HIBCH: variants seen among roughly 807,000 people sequenced by gnomAD.
HIBCH encodes the protein 3-hydroxyisobutyryl-CoA hydrolase, mitochondrial.
HIBCH carries 50 observed loss-of-function variants against 58.2 expected under a neutral mutation model. The ratio of observed to expected loss-of-function variants is 0.86; its 90% CI spans 0.68 to 1.09. HIBCH has a LOEUF of 1.09. Ranked by LOEUF, HIBCH falls within the 50% of genes least tolerant of loss-of-function variation. The pLI is 0.00. For synonymous variants in HIBCH, 151 were observed against 146.9 expected, an observed-to-expected ratio of 1.03 and a Z score of -0.20; for missense variants, 450 against 449.7, an observed-to-expected ratio of 1.00 and a Z score of -0.01.
chr2:190,278,212 T>TA (rs921680526), intron 6 of HIBCH, among the ~76,000 whole-genome samples: 6 of 144,114 alleles, frequency 4.2e-5, no homozygotes, highest in African/African-American at 1.3e-4. Context: ...AAGAATCTGC[T>TA]TTTTTTTTTT....
rs115091386 is a variant in HIBCH, at chr2:190,220,639, G to A, written c.892-7564C>T. Among the ~76,000 whole-genome samples the A allele has an allele frequency of 6.6e-3, 1,009 of 151,752 alleles. 12 individuals are homozygous for A. The highest frequency in any genetic ancestry group is 0.022 in the African/African-American group (916 of 41,340). On this transcript the variant is annotated intron_variant, in intron 11 of 13. Coordinates refer to ENST00000359678, the MANE Select transcript of HIBCH (RefSeq NM_014362.4). ...TACTCCACTGGCCTTTCTGGTTACA[G>A]GGCATCCAAGGCAGTCTGCATACTG...
chr2:190,211,818 A>G lies in HIBCH; in HGVS notation c.1011+1138T>C, dbSNP rs1321737302. ...GGACTGTGTCTTCTTATTCAACAATATAAGGCTAACACTGAGCACAGTGCC... is the reference window on the plus strand; with the variant it reads ...GGACTGTGTCTTCTTATTCAACAATGTAAGGCTAACACTGAGCACAGTGCC... On this transcript the variant is annotated intron_variant, in intron 12 of 13. Coordinates refer to ENST00000359678, the MANE Select transcript of HIBCH (RefSeq NM_014362.4). The surrounding 1 kb of genome is among the most constrained non-coding windows in gnomAD (Gnocchi z 5.0). 6.6e-6 allele frequency among the ~76,000 whole-genome samples: 1 copy of G among 152,222 alleles called. No homozygotes were observed. Among genetic ancestry groups the G allele is most frequent in the Admixed American group, 6.5e-5 (1 of 15,280 alleles).
intron 2 of HIBCH, among the ~76,000 whole-genome samples, chr2:190,298,105 A>G (rs1050601220): frequency 6.6e-6 from 1 of 152,188 alleles, no homozygotes; most frequent in Admixed American, 6.5e-5. Context: ...TCATGGCTGC[A>G]TAGTATTCCA....
In HIBCH at chr2:190,257,479, AAT is replaced by A. The variant is rs570951290; in HGVS notation, c.517+3675_517+3676del. 1.8e-4 allele frequency among the ~76,000 whole-genome samples: 28 copies of A among 152,252 alleles called. No individual in the cohort carries two copies. In the South Asian group the frequency reaches 5.4e-3, roughly 29 times the overall value. On this transcript the variant is annotated intron_variant, in intron 7 of 13. Coordinates refer to ENST00000359678, the MANE Select transcript of HIBCH (RefSeq NM_014362.4). ...AAATCTGTTTAAGATCAATAAAATT[AAT>A]AAACCTCTAACTAGATTGATCAGGA...
intron 11 of HIBCH, among the ~76,000 whole-genome samples, chr2:190,220,700 A>G (rs1685692690): frequency 6.6e-6 from 1 of 151,638 alleles, no homozygotes; most frequent in Non-Finnish European, 1.5e-5. Flanking sequence ...AGGCAAGCAG[A>G]AGACACTGAG....
intron 6 of HIBCH, among the ~76,000 whole-genome samples, chr2:190,265,390 G>C (rs1204224878): frequency 6.6e-6 from 1 of 150,878 alleles, no homozygotes; most frequent in Non-Finnish European, 1.5e-5. Flanking sequence ...AGCTATCTGG[G>C]TATCCTCTTT....
chr2:190,316,797 T>C (rs1688717789), intron 1 of HIBCH, among the ~76,000 whole-genome samples: 1 of 152,058 alleles, frequency 6.6e-6, no homozygotes, highest in Non-Finnish European at 1.5e-5. Context: ...AAGAAACAAC[T>C]AACTAGAAGT....
chr2:190,296,773 TG>T, intron 3 of HIBCH, 39 bp downstream of exon 3: 1 of 1,552,716 alleles, frequency 6.4e-7, no homozygotes, highest in Non-Finnish European at 8.9e-7. Context: ...TGATATACTT[TG>T]AAAAGAATCC....
chr2:190,319,819 C>A lies in HIBCH; in HGVS notation c.-69G>T. On this transcript the variant is annotated 5_prime_UTR_variant, in exon 1 of 14. Transcript: ENST00000359678. ...GGACCGTTCCAGCGCCTCGCGTGAG[C>A]CCCGCCCACCGCCGTCCTGCGCCGC... is the stretch of plus-strand genomic sequence containing the variant. 5 of 1,566,290 alleles carry A rather than the reference C, an allele frequency of 3.2e-6. No homozygotes were observed. In the South Asian group the frequency reaches 4.7e-5, roughly 15 times the overall value.
chr2:190,277,417 G>A (rs1006386873), intron 6 of HIBCH, among the ~76,000 whole-genome samples: 1 of 152,102 alleles, frequency 6.6e-6, no homozygotes, highest in Non-Finnish European at 1.5e-5. Context: ...GCTCTGTGGC[G>A]CCATCTTTTG....
At chr2:190,233,965 C>A (rs1686187182) in intron 11 of HIBCH, among the ~76,000 whole-genome samples, 1 of 152,180 alleles carries the variant, frequency 6.6e-6, no homozygotes, top group Non-Finnish European at 1.5e-5. Flanking sequence ...AGAGACCAGC[C>A]TGGCCAAGAT....
rs367597129 is a variant in HIBCH at position 190,296,422 on chromosome 2, C to CAA, written c.219+389_219+390dup. Among the ~76,000 whole-genome samples, 935 of 134,734 alleles carry CAA rather than the reference C, an allele frequency of 6.9e-3. 10 individuals are homozygous for CAA. Among genetic ancestry groups the CAA allele is most frequent in the Non-Finnish European group, 5.7e-3 (361 of 63,742 alleles). 88.4% of individuals were successfully genotyped at this position (134,734 alleles called of 152,430 possible). A position where few individuals can be genotyped will look rare whatever the true frequency, so the allele number is the denominator to read the frequency against. ...GCGACAGAGTGAGACTCCTCCGTCT[C>CAA]AAAAAAAAAAAAAAGCAGCTGTCTT... On this transcript the variant is annotated intron_variant, in intron 3 of 13. Coordinates refer to ENST00000359678, the MANE Select transcript of HIBCH (RefSeq NM_014362.4).
At chr2:190,295,966 T>C (rs1329554064) in intron 3 of HIBCH, among the ~76,000 whole-genome samples, 6 of 152,186 alleles carry the variant, frequency 3.9e-5, no homozygotes, top group African/African-American at 1.2e-4. Context: ...CTGAGGAGAT[T>C]TGAGGTATGG....
intron 6 of HIBCH, among the ~76,000 whole-genome samples, chr2:190,283,226 C>A (rs773052970): frequency 6.6e-6 from 1 of 152,178 alleles, no homozygotes; most frequent in Non-Finnish European, 1.5e-5. Flanking sequence ...AACTTAACTT[C>A]CTCATAAAGC....
chr2:190,219,147 C>CT (rs72540026), intron 11 of HIBCH, among the ~76,000 whole-genome samples: 13 of 133,010 alleles, frequency 9.8e-5, no homozygotes, highest in African/African-American at 4.2e-4. Context: ...ATCCACATGG[C>CT]CCTGAAGTTG....
intron 12 of HIBCH, 60 bp downstream of exon 12, chr2:190,212,895 CT>C: frequency 7.0e-7 from 1 of 1,436,898 alleles, no homozygotes; most frequent in Non-Finnish European, 9.7e-7. Flanking sequence ...TTTACAAGTT[CT>C]ACAATAAACG....
At chr2:190,318,146 T>C (rs1351833681) in intron 1 of HIBCH, among the ~76,000 whole-genome samples, 2 of 151,528 alleles carry the variant, frequency 1.3e-5, no homozygotes, top group African/African-American at 4.9e-5. Flanking sequence ...AATTTATATA[T>C]GAGGTGCAAC....
chr2:190,296,761 T>C, intron 3 of HIBCH, 52 bp downstream of exon 3: 1 of 1,476,674 alleles, frequency 6.8e-7, no homozygotes, highest in Non-Finnish European at 9.5e-7. Flanking sequence ...AATGTCCTAT[T>C]ATGATATACT....
intron 1 of HIBCH, among the ~76,000 whole-genome samples, chr2:190,318,468 T>C (rs1387126213): frequency 1.3e-5 from 2 of 152,162 alleles, no homozygotes; most frequent in Non-Finnish European, 2.9e-5. Context: ...GGTTAGGGTA[T>C]TGTGGACTGG....
Sources: allele counts gnomAD v4.1 joint callset (sites outside exome capture counted in the v4.1 genomes callset), GRCh38; gene constraint gnomAD v4.1.1; non-coding constraint Gnocchi (gnomAD v3.1); transcripts MANE v1.5; gene names NCBI Gene and HGNC (gene_info 2026-07-23, HGNC 2026-07-21).